KNG1: variants seen among roughly 807,000 people sequenced by gnomAD.
KNG1 encodes kininogen-1.
Under a neutral mutation model 47.8 loss-of-function variants are expected in KNG1, and 23 were observed. The ratio of observed to expected loss-of-function variants is 0.48; its 90% confidence interval spans 0.35 to 0.68. KNG1 has a LOEUF of 0.68. Ranked by LOEUF, KNG1 falls within the 30% of genes least tolerant of loss-of-function variation. The pLI is 0.01. For synonymous variants in KNG1, 277 were observed against 277.0 expected (o/e 1.00, Z 0.00); for missense variants, 762 against 790.2 (o/e 0.96, Z 0.43).
Position 186,720,216 on chromosome 3 carries a change from G to A in KNG1, c.306+1G>A, listed in dbSNP as rs1273384138. On this transcript the variant is annotated splice_donor_variant, in intron 2 of 9. Coordinates refer to ENST00000644859, the MANE Select transcript of KNG1 (RefSeq NM_001102416.3). LOFTEE classifies it high-confidence loss of function. The stretch of plus-strand genomic sequence containing the variant: ...TGAGTACAAGGATGCTGCAAAAGCA[G>A]TAAGTGTATTGGCCATTCTTGGGCC... The A allele has an allele frequency of 1.9e-6, 3 of 1,599,118 alleles. No homozygotes were observed. Among genetic ancestry groups the A allele is most frequent in the East Asian group, 2.2e-5 (1 of 44,816 alleles).
At position 186,717,476 on chromosome 3, in the gene KNG1, G is replaced by T; in HGVS notation, c.-67G>T. 2 of 1,160,206 alleles carry T rather than the reference G, an allele frequency of 1.7e-6. No individual in the cohort carries two copies. The highest frequency in any genetic ancestry group is 1.3e-6 in the Non-Finnish European group (1 of 769,018). 71.9% of individuals were successfully genotyped at this position (1,160,206 alleles called of 1,614,324 possible). A position where few individuals can be genotyped will look rare whatever the true frequency, so the allele number is the denominator to read the frequency against. On this transcript the variant is annotated 5_prime_UTR_variant, in exon 1 of 10. Coordinates refer to ENST00000644859, the MANE Select transcript of KNG1 (RefSeq NM_001102416.3). ...AAGAGGCTGGAGATTGTCAAATTCA[G>T]TATCCCAGTTGGCTCTTGATTCTTG...
chr3:186,743,007 A>G lies in KNG1; in HGVS notation c.*676A>G, dbSNP rs1294048471. 2 of 936,084 alleles carry G rather than the reference A, an allele frequency of 2.1e-6. No individual in the cohort carries two copies. Among genetic ancestry groups the G allele is most frequent in the African/African-American group, 3.6e-5 (2 of 56,284 alleles). The allele number at this position is 936,084 out of a possible 1,614,324, so 58.0% of individuals were successfully genotyped here. ...ATAAATTAATTGACTTTCTATTCCC[A>G]AAATGGGCTAGTTATATCAAATAAA... On this transcript the variant is annotated 3_prime_UTR_variant, in exon 10 of 10. Coordinates refer to ENST00000644859, the MANE Select transcript of KNG1 (RefSeq NM_001102416.3).
Position 186,741,537 on chromosome 3 carries a change from AG to A in KNG1, c.1143del (p.Arg381SerfsTer13). ...TTCTGTTTAGATCTCACTGATGAAAAGGCCTCCAGGTTTTTCACCTTTCCGA... is the reference window on the plus strand; with the variant it reads ...TTCTGTTTAGATCTCACTGATGAAAAGCCTCCAGGTTTTTCACCTTTCCGA... ...QPLGMISLMK[R>X]PPGFSPFRSS... On this transcript the variant is annotated frameshift_variant, in exon 10 of 10. Coordinates refer to ENST00000644859, the MANE Select transcript of KNG1 (RefSeq NM_001102416.3). LOFTEE classifies it low-confidence loss of function (END_TRUNC). 6.2e-7 allele frequency: 1 copy of A among 1,609,462 alleles called. No individual in the cohort carries two copies. Among genetic ancestry groups the A allele is most frequent in the Non-Finnish European group, 8.5e-7 (1 of 1,178,790 alleles).
intron 1 of KNG1, among the ~76,000 whole-genome samples, chr3:186,719,199 T>C (rs1720112676): frequency 6.6e-6 from 1 of 152,186 alleles, no homozygotes; most frequent in South Asian, 2.1e-4. Flanking sequence ...TGGTTGTAAA[T>C]ATACTAAAAA....
chr3:186,725,542 G>GTTTTTTTTTTTTTTTTTTTTT (rs1560063426), intron 4 of KNG1, among the ~76,000 whole-genome samples: 2 of 75,058 alleles, frequency 2.7e-5, no homozygotes, highest in African/African-American at 1.1e-4. Flanking sequence ...CCGGCCTTAG[G>GTTTTTTTTTTTTTTTTTTTTT]ATTTTTTTTT....
At chr3:186,732,740 C>T in intron 7 of KNG1, 66 bp downstream of exon 7, 4 of 1,313,400 alleles carry the variant, frequency 3.0e-6, no homozygotes, top group Non-Finnish European at 4.4e-6. Flanking sequence ...ACTAATTTTG[C>T]CACTGATCTT....
At chr3:186,730,882 T>A (rs1395596915) in intron 5 of KNG1, among the ~76,000 whole-genome samples, 1 of 151,560 alleles carries the variant, frequency 6.6e-6, no homozygotes, top group African/African-American at 2.4e-5. Flanking sequence ...ATTCAAATCT[T>A]CTATGTTCTT....
intron 2 of KNG1, chr3:186,720,494 A>T: frequency 1.2e-4 from 38 of 315,426 alleles, no homozygotes; most frequent in Non-Finnish European, 1.6e-4. Context: ...GAGATAACAA[A>T]TTGACATTTG....
chr3:186,726,920 A>T (rs1002925628), intron 4 of KNG1, among the ~76,000 whole-genome samples: 1 of 152,138 alleles, frequency 6.6e-6, no homozygotes. Context: ...TGGCAGAGGA[A>T]ATATTGTTAG....
At chr3:186,733,668 A>T (rs5030052) in intron 7 of KNG1, among the ~76,000 whole-genome samples, 421 of 152,270 alleles carry the variant, frequency 2.8e-3, no homozygotes, top group African/African-American at 9.6e-3. Context: ...GAGTGACTGT[A>T]TTAGAAGAGC....
rs531489949 is a variant in KNG1 at position 186,726,964 on chromosome 3, G to T, written c.565-273G>T. 3.3e-5 allele frequency among the ~76,000 whole-genome samples: 5 copies of T among 152,030 alleles called. No individual in the cohort carries two copies. The South Asian group carries it at 8.3e-4, about 25-fold the overall frequency. On this transcript the variant is annotated intron_variant, in intron 4 of 9. Coordinates refer to ENST00000644859, the MANE Select transcript of KNG1 (RefSeq NM_001102416.3). ...TAAGGAAATCCATGTTCCAAAACTGGCTGAAAAATAGAAAAATATATATAT... is the reference window on the plus strand; with the variant it reads ...TAAGGAAATCCATGTTCCAAAACTGTCTGAAAAATAGAAAAATATATATAT...
chr3:186,724,642 A>G (rs765250412), intron 3 of KNG1, among the ~76,000 whole-genome samples: 56 of 151,244 alleles, frequency 3.7e-4, no homozygotes, highest in Non-Finnish European at 6.0e-4. Context: ...TTCCTTGTAT[A>G]TGCTGGATGT....
At chr3:186,720,805 T>TTTG (rs1400533735) in intron 2 of KNG1, among the ~76,000 whole-genome samples, 9,574 of 139,546 alleles carry the variant, frequency 0.069, 504 homozygotes, top group South Asian at 0.12. Context: ...TTTTTTTTTT[T>TTTG]TTGAGCCAGA....
chr3:186,722,307 C>T (rs1560061630), intron 2 of KNG1, 130 bp from the exon 3 acceptor site: 1 of 736,032 alleles, frequency 1.4e-6, no homozygotes, highest in Non-Finnish European at 2.3e-6. Context: ...TGTCTCAAAA[C>T]TCTTTTGGTA....
chr3:186,727,631 G>T (rs1720409931), intron 5 of KNG1, among the ~76,000 whole-genome samples: 1 of 152,082 alleles, frequency 6.6e-6, no homozygotes, highest in African/African-American at 2.4e-5. Context: ...GAGCACAGTG[G>T]TGTGATCTCA....
chr3:186,717,485 T>C lies in KNG1; in HGVS notation c.-58T>C, dbSNP rs552417568. The C allele has an allele frequency of 9.1e-5, 114 of 1,257,958 alleles. No homozygotes were observed. Among genetic ancestry groups the C allele is most frequent in the African/African-American group, 3.0e-4 (20 of 67,488 alleles). 77.9% of individuals were successfully genotyped at this position (1,257,958 alleles called of 1,614,324 possible). ...GAGATTGTCAAATTCAGTATCCCAG[T>C]TGGCTCTTGATTCTTGGTGAAACCA... is the stretch of plus-strand genomic sequence containing the variant. On this transcript the variant is annotated 5_prime_UTR_variant, in exon 1 of 10. Transcript: ENST00000644859.
Position 186,742,887 on chromosome 3 carries a change from GA to G in KNG1, c.*563del, listed in dbSNP as rs1193453684. 1 of 966,704 alleles carries G rather than the reference GA, an allele frequency of 1.0e-6. No homozygotes were observed. The highest frequency in any genetic ancestry group is 1.2e-6 in the Non-Finnish European group (1 of 814,742). 59.9% of individuals were successfully genotyped at this position (966,704 alleles called of 1,614,324 possible). ...GGCATCAGAGCAAGATTCTGTCTCA[GA>G]AAAAAAGAAAAAAAAAGAAATAATA... is the stretch of plus-strand genomic sequence containing the variant. On this transcript the variant is annotated 3_prime_UTR_variant, in exon 10 of 10. Transcript: ENST00000644859.
chr3:186,722,373 C>A, intron 2 of KNG1, 64 bp from the exon 3 acceptor site: 1 of 1,291,452 alleles, frequency 7.7e-7, no homozygotes, highest in Non-Finnish European at 1.1e-6. Context: ...CATTTAGCAA[C>A]AGTATTAGGT....
Position 186,742,943 on chromosome 3 carries a change from G to C in KNG1, c.*612G>C. 1.0e-6 allele frequency: 1 copy of C among 984,310 alleles called. No individual in the cohort carries two copies. Among genetic ancestry groups the C allele is most frequent in the Non-Finnish European group, 1.2e-6 (1 of 829,062 alleles). 61.0% of individuals were successfully genotyped at this position (984,310 alleles called of 1,614,324 possible). A position where few individuals can be genotyped will look rare whatever the true frequency, so the allele number is the denominator to read the frequency against. Reference sequence around the variant, plus strand: ...AAACTTCCAGATTTCAAAGTAACAAGAAAGAAGACAGGTTGGCCAAAGGGA... The same window carrying C: ...AAACTTCCAGATTTCAAAGTAACAACAAAGAAGACAGGTTGGCCAAAGGGA... On this transcript the variant is annotated 3_prime_UTR_variant, in exon 10 of 10. Coordinates refer to ENST00000644859, the MANE Select transcript of KNG1 (RefSeq NM_001102416.3).
Sources: gnomAD v4.1 joint callset for allele counts (sites outside exome capture counted in the v4.1 genomes callset) on GRCh38, gnomAD v4.1.1 for gene constraint, MANE v1.5 for transcripts, NCBI Gene and HGNC (gene_info 2026-07-23, HGNC 2026-07-21) for gene names.